JADE1: variants seen among roughly 807,000 people sequenced by gnomAD.
JADE1 encodes the protein protein Jade-1.
Under a neutral mutation model 81.8 loss-of-function variants are expected in JADE1, and 14 were observed. The observed-to-expected ratio is 0.17, with a 90% confidence interval of 0.11 to 0.27. The LOEUF is 0.27. Ranked by LOEUF, JADE1 falls within the 10% of genes least tolerant of loss-of-function variation. The probability of loss-of-function intolerance (pLI) is 1.00; values close to 1 mark genes in which losing one functional copy is unlikely to be tolerated. For synonymous variants in JADE1, 353 were observed against 391.9 expected (o/e 0.90, Z 1.17); for missense variants, 690 against 1,047.9 (o/e 0.66, Z 4.71).
intron 9 of JADE1, chr4:128,864,550 C>G: frequency 3.0e-6 from 3 of 985,342 alleles, no homozygotes. Context: ...TTGCCTTGCC[C>G]AGAGAGTTGC....
intron 9 of JADE1, chr4:128,863,861 A>G (rs562971175): frequency 2.0e-6 from 2 of 985,486 alleles, no homozygotes; most frequent in African/African-American, 1.7e-5. Flanking sequence ...GGGGAGGACA[A>G]GAAGTCTATT....
At chr4:128,843,179 C>T in intron 3 of JADE1, 141 bp downstream of exon 3, 1 of 640,536 alleles carries the variant, frequency 1.6e-6, no homozygotes, top group Non-Finnish European at 2.7e-6. Context: ...ACGGGGAGAA[C>T]ACAAGTGTCT....
chr4:128,852,934 TG>T (rs1488569357), intron 6 of JADE1, among the ~76,000 whole-genome samples: 1 of 151,420 alleles, frequency 6.6e-6, no homozygotes, highest in Non-Finnish European at 1.5e-5. Context: ...TTTTTTTTTT[TG>T]AGATGGCTGG....
At chr4:128,842,535 G>T (rs1729526448) in intron 2 of JADE1, among the ~76,000 whole-genome samples, 1 of 152,128 alleles carries the variant, frequency 6.6e-6, no homozygotes, top group Non-Finnish European at 1.5e-5. Flanking sequence ...CCTGACCTCA[G>T]GTGGTCCACC....
chr4:128,866,451 T>C (rs951167346), intron 9 of JADE1, among the ~76,000 whole-genome samples: 28 of 152,228 alleles, frequency 1.8e-4, no homozygotes, highest in Admixed American at 7.2e-4. Flanking sequence ...CTGTCTCTCT[T>C]AATGCTTCAT....
At chr4:128,869,241 G>T (rs1355214069) in intron 10 of JADE1, among the ~76,000 whole-genome samples, 29 of 152,152 alleles carry the variant, frequency 1.9e-4, no homozygotes, top group African/African-American at 6.5e-4. Flanking sequence ...TCATTAGCTG[G>T]AACTTGCAGT....
chr4:128,835,772 G>T (rs931279686), intron 2 of JADE1, among the ~76,000 whole-genome samples: 11 of 152,240 alleles, frequency 7.2e-5, no homozygotes, highest in Non-Finnish European at 1.3e-4. Flanking sequence ...TGCAGCACGA[G>T]CCACAGCCAT....
chr4:128,813,508 T>C (rs1453170689), intron 1 of JADE1, among the ~76,000 whole-genome samples: 3 of 144,584 alleles, frequency 2.1e-5, no homozygotes, highest in African/African-American at 7.7e-5. Flanking sequence ...AACCTCCGCC[T>C]CCTGGGTTCA....
At chr4:128,857,283 A>G (rs891454160) in intron 7 of JADE1, 55 bp from the exon 8 acceptor site, 5 of 1,293,042 alleles carry the variant, frequency 3.9e-6, no homozygotes, top group Non-Finnish European at 5.6e-6. Context: ...TCTGACATTC[A>G]TGTTCAGCCT....
At chr4:128,866,907 G>T (rs1359673332) in intron 9 of JADE1, among the ~76,000 whole-genome samples, 1 of 152,210 alleles carries the variant, frequency 6.6e-6, no homozygotes, top group African/African-American at 2.4e-5. Context: ...ATCTAATCAG[G>T]TTGACCAATA....
rs927068115 is a variant in JADE1 at position 128,862,316 on chromosome 4, A to G, written c.1503+91A>G. ...CCAGAGCAAGAAATGATAGCCAGTC[A>G]TATACTCTCAGACCCTTGTACACAC... On this transcript the variant is annotated intron_variant, in intron 9 of 10. Coordinates refer to ENST00000226319, the MANE Select transcript of JADE1 (RefSeq NM_199320.4). 62 of 1,563,782 alleles carry G rather than the reference A, an allele frequency of 4.0e-5. No individual in the cohort carries two copies. In the African/African-American group the frequency reaches 8.0e-4, roughly 20 times the overall value.
chr4:128,854,963 A>T (rs1380003889), intron 6 of JADE1, among the ~76,000 whole-genome samples: 1 of 152,098 alleles, frequency 6.6e-6, no homozygotes, highest in African/African-American at 2.4e-5. Flanking sequence ...GAAAGGCTGA[A>T]TTTGTTTTAA....
chr4:128,871,817 T>G lies in JADE1; in HGVS notation c.2084T>G (p.Leu695Arg), dbSNP rs751128795. 2.2e-5 allele frequency: 35 copies of G among 1,614,130 alleles called. No individual in the cohort carries two copies. In the South Asian group the frequency reaches 3.8e-4, roughly 18 times the overall value. The change falls in exon 11 of 11, where the codon CTG becomes CGG. Residue 695 changes from leucine to arginine, a missense_variant. Physicochemically the swap from Leu to Arg is moderately radical, Grantham distance 102. Coordinates refer to ENST00000226319, the MANE Select transcript of JADE1 (RefSeq NM_199320.4). This position sits in a 1 kb window ranked among gnomAD's most constrained non-coding sequence, Gnocchi z 4.1. ...TCCACAGATGTGTCCCAGAGGCATC[T>G]GGACAACACAAGAGCTGCCACCTCC... is the stretch of plus-strand genomic sequence containing the variant. ...LRSTDVSQRH[L>R]DNTRAATSPG...
Position 128,820,375 on chromosome 4 carries a change from G to A in JADE1, c.-27+10498G>A, listed in dbSNP as rs562343000. Among the ~76,000 whole-genome samples, 4 of 152,166 alleles carry A rather than the reference G, an allele frequency of 2.6e-5. No homozygotes were observed. In the South Asian group the frequency reaches 8.3e-4, roughly 32 times the overall value. On this transcript the variant is annotated intron_variant, in intron 1 of 10. Transcript: ENST00000226319. ...GATCCACCCACCTCACCCTCCCAAAGTGCTGGGATTACAGGCGTGAGCCAC... is the reference window on the plus strand; with the variant it reads ...GATCCACCCACCTCACCCTCCCAAAATGCTGGGATTACAGGCGTGAGCCAC...
intron 2 of JADE1, among the ~76,000 whole-genome samples, chr4:128,838,944 T>C (rs926450063): frequency 6.6e-6 from 1 of 152,208 alleles, no homozygotes; most frequent in African/African-American, 2.4e-5. Flanking sequence ...TATCTTTAAA[T>C]GTATTATTGC....
chr4:128,874,550 G>C lies in JADE1; in HGVS notation c.*2288G>C, dbSNP rs1413616762. On this transcript the variant is annotated 3_prime_UTR_variant, in exon 11 of 11. Coordinates refer to ENST00000226319, the MANE Select transcript of JADE1 (RefSeq NM_199320.4). The stretch of plus-strand genomic sequence containing the variant: ...AAAACAAAACACACAAAAATAAAAA[G>C]CCCACACTTTTTATTCCTGCTTCGA... 6.6e-6 allele frequency: 1 copy of C among 151,502 alleles called. No individual in the cohort carries two copies. Among genetic ancestry groups the C allele is most frequent in the Non-Finnish European group, 1.5e-5 (1 of 67,754 alleles). 9.4% of individuals were successfully genotyped at this position (151,502 alleles called of 1,614,324 possible).
intron 8 of JADE1, among the ~76,000 whole-genome samples, chr4:128,861,061 C>G (rs1035865170): frequency 2.0e-5 from 3 of 152,184 alleles, no homozygotes; most frequent in African/African-American, 7.2e-5. Flanking sequence ...CGTGTTGGGA[C>G]TCTTCCTGGC....
At chr4:128,855,224 C>G (rs1730690429) in intron 6 of JADE1, among the ~76,000 whole-genome samples, 1 of 152,240 alleles carries the variant, frequency 6.6e-6, no homozygotes, top group African/African-American at 2.4e-5. Context: ...AATAGCTTCT[C>G]TCACGGAACC....
At position 128,809,827 on chromosome 4, in the gene JADE1, G is replaced by C. The variant is rs572544340; in HGVS notation, c.-77G>C. ...GCGGCCCGAACTCATGCAGCTCCGA[G>C]CGAGCGAGCGGCGCCCAGCCCAGCG... On this transcript the variant is annotated 5_prime_UTR_variant, in exon 1 of 11. Transcript: ENST00000226319. The C allele has an allele frequency of 6.6e-6, 1 of 151,390 alleles. No homozygotes were observed. The highest frequency in any genetic ancestry group is 1.9e-4 in the South Asian group (1 of 5,184). The allele number at this position is 151,390 out of a possible 1,614,324, so 9.4% of individuals were successfully genotyped here.
Sources: allele counts gnomAD v4.1 joint callset (sites outside exome capture counted in the v4.1 genomes callset), GRCh38; gene constraint gnomAD v4.1.1; non-coding constraint Gnocchi (gnomAD v3.1); transcripts MANE v1.5; gene names NCBI Gene and HGNC (gene_info 2026-07-23, HGNC 2026-07-21).